The following CHD1 variants were observed in gnomAD, a reference collection of about 807,000 sequenced individuals.
The protein encoded by CHD1 is ATP-dependent chromatin remodeler CHD1.
CHD1 carries 36 observed loss-of-function variants against 224.2 expected under a neutral mutation model. The ratio of observed to expected loss-of-function variants is 0.16; its 90% CI spans 0.12 to 0.21. The LOEUF (loss-of-function observed/expected upper bound fraction) is 0.21, where lower values mean the gene tolerates loss of function less well. Among genes scored for constraint, CHD1 ranks in the 10% least tolerant of loss-of-function variants. CHD1 has a pLI of 1.00. For missense variants in CHD1, 1,378 were observed against 1,994.8 expected, an observed-to-expected ratio of 0.69 and a Z score of 5.89; for synonymous variants, 668 against 658.3, an observed-to-expected ratio of 1.01 and a Z score of -0.23.
intron 28 of CHD1, among the ~76,000 whole-genome samples, chr5:98,871,545 G>T (rs1301761635): frequency 6.6e-6 from 1 of 151,864 alleles, no homozygotes; most frequent in Non-Finnish European, 1.5e-5. Context: ...ATAGTTAGAT[G>T]GAAGAAATAA....
chr5:98,860,863 CAGA>C (rs768586022), intron 32 of CHD1, among the ~76,000 whole-genome samples: 6 of 152,150 alleles, frequency 3.9e-5, no homozygotes, highest in South Asian at 4.1e-4. Context: ...ATGAAATCCA[CAGA>C]AGAAGGAAAA....
intron 23 of CHD1, among the ~76,000 whole-genome samples, chr5:98,879,217 G>C (rs1749987630): frequency 6.6e-6 from 1 of 152,104 alleles, no homozygotes; most frequent in Non-Finnish European, 1.5e-5. Flanking sequence ...CTTGGCAATA[G>C]AGCAAGATGC....
intron 31 of CHD1, among the ~76,000 whole-genome samples, chr5:98,865,126 A>G (rs932008635): frequency 1.3e-5 from 2 of 152,234 alleles, no homozygotes; most frequent in African/African-American, 4.8e-5. Context: ...AAGAAGGGCA[A>G]TGTTTGAGAG....
intron 31 of CHD1, among the ~76,000 whole-genome samples, chr5:98,867,541 A>T (rs1748970757): frequency 6.6e-6 from 1 of 151,702 alleles, no homozygotes; most frequent in African/African-American, 2.4e-5. Flanking sequence ...CACCATAAAT[A>T]AGAAGCACTA....
At chr5:98,860,917 A>G (rs1380393158) in intron 32 of CHD1, among the ~76,000 whole-genome samples, 1 of 152,220 alleles carries the variant, frequency 6.6e-6, no homozygotes, top group Non-Finnish European at 1.5e-5. Flanking sequence ...TATCTCGAAC[A>G]TATCTACATT....
intron 2 of CHD1, among the ~76,000 whole-genome samples, chr5:98,915,540 ACACTGAAAAGT>A (rs1316512453): frequency 6.6e-6 from 1 of 152,244 alleles, no homozygotes; most frequent in Non-Finnish European, 1.5e-5. Context: ...ATGGATATAT[ACACTGAAAAGT>A]CACTGAAAAA....
chr5:98,900,685 C>T, intron 7 of CHD1, 126 bp downstream of exon 7: 1 of 774,000 alleles, frequency 1.3e-6, no homozygotes, highest in East Asian at 2.7e-5. Flanking sequence ...AGGTCTAGAA[C>T]TCCTGATCCA....
rs772124392 is a variant in CHD1 at position 98,868,572 on chromosome 5, C to A, written c.4171G>T (p.Val1391Phe). Residue 1391 changes from valine to phenylalanine, a missense_variant, in exon 31 of 36, where the codon GTT (valine) becomes TTT (phenylalanine). Around this residue, in one of 16 missense-constraint regions of CHD1, gnomAD observed 105 missense variants for 93.4 expected, o/e 1.12. Transcript: ENST00000614616. ...GGTTCACCACTTGCCGTGATATGAA[C>A]TGGAGCATCTGACACTGAAGATTTC... ...SKKSSVSDAP[V>F]HITASGEPVP... 6.2e-7 allele frequency: 1 copy of A among 1,611,710 alleles called. No homozygotes were observed. The highest frequency in any genetic ancestry group is 8.5e-7 in the Non-Finnish European group (1 of 1,179,390).
chr5:98,895,935 G>A (rs779495384), intron 12 of CHD1, among the ~76,000 whole-genome samples: 5 of 152,024 alleles, frequency 3.3e-5, no homozygotes, highest in Non-Finnish European at 7.4e-5. Flanking sequence ...GGCCAAGAAC[G>A]GTGGTTCATG....
chr5:98,882,337 T>C (rs1353024025), intron 19 of CHD1, among the ~76,000 whole-genome samples: 1 of 151,642 alleles, frequency 6.6e-6, no homozygotes, highest in African/African-American at 2.4e-5. Context: ...CTTCTTAATA[T>C]TTTGATAAGG....
At chr5:98,893,674 C>T (rs943075335) in intron 13 of CHD1, 68 bp from the exon 14 acceptor site, 2 of 940,656 alleles carry the variant, frequency 2.1e-6, no homozygotes, top group African/African-American at 1.7e-5. Context: ...CCCATTTAAT[C>T]TGAACTCAAT....
chr5:98,907,878 A>AT (rs1441359957), intron 2 of CHD1, among the ~76,000 whole-genome samples: 2 of 152,110 alleles, frequency 1.3e-5, no homozygotes, highest in Non-Finnish European at 2.9e-5. Flanking sequence ...GTTTTACATG[A>AT]TTTTTTTAAA....
In CHD1 at chr5:98,903,889, C is replaced by A. The variant is rs754785751; in HGVS notation, c.275G>T (p.Ser92Ile). The A allele has an allele frequency of 6.2e-7, 1 of 1,605,104 alleles. No individual in the cohort carries two copies. Among genetic ancestry groups the A allele is most frequent in the South Asian group, 1.1e-5 (1 of 90,376 alleles). The change falls in exon 4 of 36, where the codon AGT becomes ATT. Residue 92 changes from serine to isoleucine, a missense_variant. This residue lies in a region of CHD1 where 306 missense variants were observed against 298.1 expected (regional missense o/e 1.03). Coordinates refer to ENST00000614616, the MANE Select transcript of CHD1 (RefSeq NM_001270.4). ...TGCAGATCTCTGAACGGCCAGAATA[C>A]TAGGACTAGATTTCCAAAACTATAA... ...DGAEFWKSSP[S>I]ILAVQRSAIL...
chr5:98,922,130 C>A lies in CHD1; in HGVS notation c.53+4204G>T, dbSNP rs534539917. Among the ~76,000 whole-genome samples, 6 of 152,126 alleles carry A rather than the reference C, an allele frequency of 3.9e-5. No individual in the cohort carries two copies. In the South Asian group the frequency reaches 6.2e-4, roughly 16 times the overall value. ...TCGTGCTACTGCACTCCAGCCTGGG[C>A]AACAGTGAGACTCCATCTCAATTAA... On this transcript the variant is annotated intron_variant, in intron 2 of 35. Transcript: ENST00000614616.
chr5:98,900,625 G>A (rs1484895314), intron 7 of CHD1, among the ~76,000 whole-genome samples, 186 bp downstream of exon 7: 3 of 151,868 alleles, frequency 2.0e-5, no homozygotes, highest in Admixed American at 6.6e-5. Context: ...ATTTTTAGTA[G>A]AGATGGGGTT....
In CHD1 at chr5:98,869,787, C is replaced by G; in HGVS notation, c.4074G>C (p.Leu1358=). The change falls in exon 30 of 36, where the codon CTG becomes CTC. Residue 1358 remains leucine, a synonymous_variant. Coordinates refer to ENST00000614616, the MANE Select transcript of CHD1 (RefSeq NM_001270.4). ...KEEIKSDSSP[L]PSEKSDEDDD... is the part of the protein sequence containing the mutation. ...CATCTTCATCAGACTTCTCTGAAGG[C>G]AGAGGAGAAGAATCACTCTTTATTT... is the stretch of plus-strand genomic sequence containing the variant. 1.2e-6 allele frequency: 2 copies of G among 1,613,246 alleles called. No homozygotes were observed. The highest frequency in any genetic ancestry group is 1.7e-6 in the Non-Finnish European group (2 of 1,179,322).
Position 98,889,082 on chromosome 5 carries a change from G to T in CHD1, c.2337C>A (p.Ala779=). 6.4e-7 allele frequency: 1 copy of T among 1,569,010 alleles called. No homozygotes were observed. The highest frequency in any genetic ancestry group is 8.7e-7 in the Non-Finnish European group (1 of 1,150,852). Residue 779 remains alanine, a synonymous_variant, in exon 16 of 36, where the codon GCC becomes GCA. Coordinates refer to ENST00000614616, the MANE Select transcript of CHD1 (RefSeq NM_001270.4). ...DNNEFYNKQE[A]LQHLIRSSGK... is the part of the protein sequence containing the mutation. Reference sequence around the variant, plus strand: ...AACATTTAAAAATTCTTACTTGTAAGGCCTCCTGTTTATTATAGAATTCAT... The same window carrying T: ...AACATTTAAAAATTCTTACTTGTAATGCCTCCTGTTTATTATAGAATTCAT...
Position 98,876,471 on chromosome 5 carries a change from G to A in CHD1, c.3325C>T (p.Pro1109Ser), listed in dbSNP as rs1561496679. Residue 1109 changes from proline to serine, a missense_variant, in exon 24 of 36, where the codon CCA (proline) becomes TCA (serine). Physicochemically the swap from Pro to Ser is moderately conservative, Grantham distance 74. This residue lies in a region of CHD1 where 286 missense variants were observed against 445.1 expected (regional missense o/e 0.64). Transcript: ENST00000614616. ...DSDSISEGKR[P>S]KKRGRPRTIP... ...GTCCGTGGTCTTCCACGTTTCTTTG[G>A]CCTTTTCCCTTCTGAGATGGAATCA... is the stretch of plus-strand genomic sequence containing the variant. The A allele has an allele frequency of 6.2e-7, 1 of 1,613,866 alleles. No homozygotes were observed. The highest frequency in any genetic ancestry group is 8.5e-7 in the Non-Finnish European group (1 of 1,179,946).
At position 98,899,471 on chromosome 5, in the gene CHD1, C is replaced by G. The variant is rs768788526; in HGVS notation, c.1085+9G>C. On this transcript the variant is annotated intron_variant, in intron 8 of 35. Coordinates refer to ENST00000614616, the MANE Select transcript of CHD1 (RefSeq NM_001270.4). The stretch of plus-strand genomic sequence containing the variant: ...ATTAAAAGAAGTATATGATATACAG[C>G]ATACTTACCATCTTTTTGTTTCCTG... 6.8e-7 allele frequency: 1 copy of G among 1,480,318 alleles called. No homozygotes were observed. The highest frequency in any genetic ancestry group is 9.4e-7 in the Non-Finnish European group (1 of 1,061,650). 91.7% of individuals were successfully genotyped at this position (1,480,318 alleles called of 1,614,324 possible).
Sources: gnomAD v4.1 joint callset for allele counts (sites outside exome capture counted in the v4.1 genomes callset) on GRCh38, gnomAD v4.1.1 for gene constraint, gnomAD v4.1.1 regional missense constraint, MANE v1.5 for transcripts, NCBI Gene and HGNC (gene_info 2026-07-23, HGNC 2026-07-21) for gene names.